The following ACER2 variants were observed in gnomAD, a reference collection of about 807,000 sequenced individuals.
ACER2 encodes alkCDase 2.
Under a neutral mutation model 34.7 loss-of-function variants are expected in ACER2, and 26 were observed. The ratio of observed to expected loss-of-function variants is 0.75; its 90% CI spans 0.55 to 1.04. The LOEUF is 1.04. Among genes scored for constraint, ACER2 ranks in the 50% least tolerant of loss-of-function variants. ACER2 has a pLI of 0.00. For synonymous variants in ACER2, 138 were observed against 132.1 expected, an observed-to-expected ratio of 1.04 and a Z score of -0.31; for missense variants, 352 against 340.8, an observed-to-expected ratio of 1.03 and a Z score of -0.26.
chr9:19,434,177 C>T (rs574443666), intron 3 of ACER2, among the ~76,000 whole-genome samples: 29 of 150,924 alleles, frequency 1.9e-4, no homozygotes, highest in African/African-American at 6.1e-4. Context: ...AGATGATGGG[C>T]GGCCGGGCAG....
At chr9:19,427,897 C>A (rs1310845425) in intron 3 of ACER2, among the ~76,000 whole-genome samples, 1 of 151,936 alleles carries the variant, frequency 6.6e-6, no homozygotes. Flanking sequence ...CGATCTCCTG[C>A]CCTTGTGATC....
At chr9:19,423,604 G>A (rs1019413625) in intron 1 of ACER2, among the ~76,000 whole-genome samples, 1 of 152,224 alleles carries the variant, frequency 6.6e-6, no homozygotes, top group African/African-American at 2.4e-5. Flanking sequence ...AGGAGGCTGA[G>A]GCAGGGGAAT....
chr9:19,442,886 G>A (rs936015127), intron 4 of ACER2, among the ~76,000 whole-genome samples: 1 of 151,472 alleles, frequency 6.6e-6, no homozygotes, highest in Non-Finnish European at 1.5e-5. Context: ...AGGCTGGAGT[G>A]CGGTGGCACT....
chr9:19,444,526 T>C (rs977705791), intron 4 of ACER2, among the ~76,000 whole-genome samples: 1 of 152,168 alleles, frequency 6.6e-6, no homozygotes, highest in Non-Finnish European at 1.5e-5. Flanking sequence ...TCTCATAATG[T>C]TTTAAGAAAG....
At chr9:19,433,801 T>C (rs371342583) in intron 3 of ACER2, among the ~76,000 whole-genome samples, 2 of 139,500 alleles carry the variant, frequency 1.4e-5, no homozygotes, top group African/African-American at 5.5e-5. Flanking sequence ...CCCCACCTCC[T>C]TCCCGGACGG....
chr9:19,413,348 C>T (rs982442783), intron 1 of ACER2, among the ~76,000 whole-genome samples: 1 of 152,150 alleles, frequency 6.6e-6, no homozygotes, highest in African/African-American at 2.4e-5. Context: ...CCTGTAATCC[C>T]AGCACTTTGG....
intron 5 of ACER2, chr9:19,446,713 G>C (rs771971606): frequency 2.5e-4 from 213 of 860,322 alleles, no homozygotes; most frequent in Middle Eastern, 1.2e-3. Context: ...AACTGAACCT[G>C]TAACCTGAGC....
At position 19,424,976 on chromosome 9, in the gene ACER2, C is replaced by T. The variant is rs78591266; in HGVS notation, c.365+135C>T. ...TTATCATATACTTGTTCAATATCTA[C>T]TGATTGTTTTTATGATCTGACAATA... On this transcript the variant is annotated intron_variant, in intron 3 of 5. Coordinates refer to ENST00000340967, the MANE Select transcript of ACER2 (RefSeq NM_001010887.3). 2,392 of 1,162,610 alleles carry T rather than the reference C, an allele frequency of 2.1e-3. 56 individuals carry two copies. The East Asian group carries it at 0.054, about 26-fold the overall frequency. 72.0% of individuals were successfully genotyped at this position (1,162,610 alleles called of 1,614,324 possible).
chr9:19,444,573 C>A (rs1831285625), intron 4 of ACER2, among the ~76,000 whole-genome samples: 1 of 152,200 alleles, frequency 6.6e-6, no homozygotes, highest in Non-Finnish European at 1.5e-5. Context: ...CGAAACCATC[C>A]TGGTCGGCAT....
At chr9:19,441,048 C>A (rs1301840546) in intron 4 of ACER2, among the ~76,000 whole-genome samples, 3 of 138,920 alleles carry the variant, frequency 2.2e-5, no homozygotes, top group Admixed American at 7.2e-5. Context: ...TTTTCTTTTT[C>A]TTTTTTTTTT....
chr9:19,438,503 G>C (rs1831044325), intron 4 of ACER2, among the ~76,000 whole-genome samples: 1 of 152,198 alleles, frequency 6.6e-6, no homozygotes, highest in African/African-American at 2.4e-5. Context: ...GGCTCCATTT[G>C]CATCCTCCTC....
intron 4 of ACER2, among the ~76,000 whole-genome samples, chr9:19,439,241 A>G (rs1177955378): frequency 6.6e-6 from 1 of 151,908 alleles, no homozygotes. Context: ...TTCTTCCATT[A>G]GGGTTGGTCT....
At chr9:19,409,840 T>C in intron 1 of ACER2, 5 of 985,376 alleles carry the variant, frequency 5.1e-6, no homozygotes, top group Non-Finnish European at 6.0e-6. Flanking sequence ...TTCTGAAGTC[T>C]GAGGGATGAA....
At position 19,438,171 on chromosome 9, in the gene ACER2, T is replaced by C. The variant is rs77981454; in HGVS notation, c.503+3087T>C. Among the ~76,000 whole-genome samples, 338 of 152,374 alleles carry C rather than the reference T, an allele frequency of 2.2e-3. 1 individual carries two copies. The highest frequency in any genetic ancestry group is 7.6e-3 in the African/African-American group (315 of 41,588). On this transcript the variant is annotated intron_variant, in intron 4 of 5. Coordinates refer to ENST00000340967, the MANE Select transcript of ACER2 (RefSeq NM_001010887.3). ...GGAAACTTTGGGCATTTACTTCACT[T>C]ACTTAGGTCTTACTGTCCTTATTTG...
At position 19,448,311 on chromosome 9, in the gene ACER2, GC is replaced by G. The variant is rs913390522; in HGVS notation, c.641+1896del. Among the ~76,000 whole-genome samples, 20 of 152,196 alleles carry G rather than the reference GC, an allele frequency of 1.3e-4. 1 individual carries two copies. In the South Asian group the frequency reaches 4.2e-3, roughly 32 times the overall value. Reference sequence around the variant, plus strand: ...TTACAGGCATGAGCCATTGAGCCTGGCCCAAACTTTTTTTTTAACCAAATAC... The same window carrying G: ...TTACAGGCATGAGCCATTGAGCCTGGCCAAACTTTTTTTTTAACCAAATAC... On this transcript the variant is annotated intron_variant, in intron 5 of 5. Coordinates refer to ENST00000340967, the MANE Select transcript of ACER2 (RefSeq NM_001010887.3).
chr9:19,430,769 C>T (rs981312811), intron 3 of ACER2, among the ~76,000 whole-genome samples: 4 of 152,004 alleles, frequency 2.6e-5, no homozygotes, highest in African/African-American at 9.7e-5. Context: ...ACTAGCCTGG[C>T]CAGCATGGTG....
At chr9:19,414,034 G>A (rs1420115253) in intron 1 of ACER2, among the ~76,000 whole-genome samples, 1 of 152,224 alleles carries the variant, frequency 6.6e-6, no homozygotes, top group Non-Finnish European at 1.5e-5. Flanking sequence ...TTTTAGTACT[G>A]TGCATGGGAT....
chr9:19,442,810 A>C (rs1007763747), intron 4 of ACER2, among the ~76,000 whole-genome samples: 3 of 150,534 alleles, frequency 2.0e-5, no homozygotes, highest in Non-Finnish European at 3.0e-5. Context: ...TATAGTGCCT[A>C]GCATGGAATT....
intron 4 of ACER2, among the ~76,000 whole-genome samples, chr9:19,435,351 A>G (rs1830926567): frequency 6.6e-6 from 1 of 152,212 alleles, no homozygotes; most frequent in South Asian, 2.1e-4. Context: ...ACCTAGATCA[A>G]GCTGTCTAGA....
Sources: allele counts gnomAD v4.1 joint callset (sites outside exome capture counted in the v4.1 genomes callset), GRCh38; gene constraint gnomAD v4.1.1; transcripts MANE v1.5; gene names NCBI Gene and HGNC (gene_info 2026-07-23, HGNC 2026-07-21).